The following MUSK variants were observed in gnomAD, a reference collection of about 807,000 sequenced individuals.
MUSK encodes muscle associated receptor tyrosine kinase.
MUSK carries 55 observed loss-of-function variants against 88.7 expected under a neutral mutation model. The observed-to-expected ratio is 0.62, with a 90% CI of 0.50 to 0.78. The LOEUF (loss-of-function observed/expected upper bound fraction) is 0.78, where lower values mean the gene tolerates loss of function less well. Ranked by LOEUF, MUSK falls within the 30% of genes least tolerant of loss-of-function variation. MUSK has a pLI of 0.00. For synonymous variants in MUSK, 387 were observed against 391.9 expected (o/e 0.99, Z 0.15); for missense variants, 1,015 against 1,074.3 (o/e 0.94, Z 0.77).
intron 5 of MUSK, among the ~76,000 whole-genome samples, chr9:110,730,914 G>A (rs1457950132): frequency 6.6e-6 from 1 of 151,838 alleles, no homozygotes; most frequent in Non-Finnish European, 1.5e-5. Flanking sequence ...CTTTCCCCTT[G>A]ACTCTTAGTT....
At position 110,707,200 on chromosome 9, in the gene MUSK, T is replaced by C. The variant is rs1587935162; in HGVS notation, c.628+9734T>C. Among the ~76,000 whole-genome samples the C allele has an allele frequency of 2.6e-5, 4 of 152,076 alleles. No homozygotes were observed. The South Asian group carries it at 8.3e-4, about 32-fold the overall frequency. On this transcript the variant is annotated intron_variant, in intron 5 of 14. Coordinates refer to ENST00000374448, the MANE Select transcript of MUSK (RefSeq NM_005592.4). The stretch of plus-strand genomic sequence containing the variant: ...ACCTCATCTCTACACTGAAGTAAAA[T>C]AAAGTAAAATAAAAATAAAATACCA...
intron 6 of MUSK, among the ~76,000 whole-genome samples, chr9:110,735,015 G>A (rs976305939): frequency 1.6e-4 from 25 of 152,206 alleles, no homozygotes; most frequent in African/African-American, 6.0e-4. Flanking sequence ...TGTTGTATGT[G>A]TATGGTGTCA....
intron 8 of MUSK, among the ~76,000 whole-genome samples, chr9:110,763,698 G>A (rs931094904): frequency 2.0e-5 from 3 of 152,186 alleles, no homozygotes; most frequent in Non-Finnish European, 2.9e-5. Context: ...AAGTGTGCCT[G>A]TGCAGGGAGG....
chr9:110,769,677 G>A (rs547977965), intron 9 of MUSK, among the ~76,000 whole-genome samples: 9 of 152,050 alleles, frequency 5.9e-5, no homozygotes, highest in African/African-American at 9.6e-5. Flanking sequence ...TTTATTTGAC[G>A]TACTGCTCAA....
intron 3 of MUSK, among the ~76,000 whole-genome samples, chr9:110,692,697 T>C (rs1006961999): frequency 2.6e-5 from 4 of 152,152 alleles, no homozygotes; most frequent in Non-Finnish European, 4.4e-5. Context: ...TCTTAAAAAC[T>C]ATATTTTTAA....
intron 3 of MUSK, among the ~76,000 whole-genome samples, chr9:110,688,898 T>A (rs1209708502): frequency 6.7e-6 from 1 of 148,462 alleles, no homozygotes; most frequent in Non-Finnish European, 1.5e-5. Flanking sequence ...GTTAACTGTT[T>A]TATTGTTTTT....
chr9:110,674,376 T>C (rs1356887477), intron 1 of MUSK, among the ~76,000 whole-genome samples: 2 of 152,200 alleles, frequency 1.3e-5, no homozygotes, highest in Non-Finnish European at 2.9e-5. Flanking sequence ...TAGTTTTTAA[T>C]AATGATTGTA....
At chr9:110,755,977 T>TAC (rs139870822) in intron 7 of MUSK, among the ~76,000 whole-genome samples, 2 of 63,528 alleles carry the variant, frequency 3.1e-5, no homozygotes, top group African/African-American at 5.1e-5. Context: ...TATATATATA[T>TAC]ACATATATAT....
intron 3 of MUSK, 60 bp downstream of exon 3, chr9:110,687,328 T>C (rs1350680146): frequency 4.2e-5 from 67 of 1,593,716 alleles, no homozygotes; most frequent in Non-Finnish European, 5.7e-5. Context: ...CTTAGTTTTG[T>C]ATTTATTTTT....
rs2132080463 is a variant in MUSK at position 110,805,404 on chromosome 9, GCTTATATTTACA to G, written c.*4420_*4431del. On this transcript the variant is annotated 3_prime_UTR_variant, in exon 15 of 15. Transcript: ENST00000374448. Reference sequence around the variant, plus strand: ...GCTAATAGCTTAAAGTTATTTCATAGCTTATATTTACACTTCTTTAAATACTAATAAAATTGA... The same window carrying G: ...GCTAATAGCTTAAAGTTATTTCATAGCTTCTTTAAATACTAATAAAATTGA... Among the ~76,000 whole-genome samples, 1 of 151,796 alleles carries G rather than the reference GCTTATATTTACA, an allele frequency of 6.6e-6. No individual in the cohort carries two copies. Among genetic ancestry groups the G allele is most frequent in the East Asian group, 1.9e-4 (1 of 5,174 alleles).
chr9:110,801,002 C>T lies in MUSK; in HGVS notation c.*14C>T. 1 of 1,499,774 alleles carries T rather than the reference C, an allele frequency of 6.7e-7. No homozygotes were observed. Among genetic ancestry groups the T allele is most frequent in the East Asian group, 2.3e-5 (1 of 43,854 alleles). The allele number at this position is 1,499,774 out of a possible 1,614,324, so 92.9% of individuals were successfully genotyped here. A position where few individuals can be genotyped will look rare whatever the true frequency, so the allele number is the denominator to read the frequency against. On this transcript the variant is annotated 3_prime_UTR_variant, in exon 15 of 15. Transcript: ENST00000374448. ...GTGAGTGTCTAAGGTTGAAGACGTT[C>T]AAATAAAATGCTGCAGTTTCCTCTC...
At position 110,722,649 on chromosome 9, in the gene MUSK, A is replaced by C. The variant is rs1414772023; in HGVS notation, c.629-11602A>C. On this transcript the variant is annotated intron_variant, in intron 5 of 14. Coordinates refer to ENST00000374448, the MANE Select transcript of MUSK (RefSeq NM_005592.4). ...TGGGAGAAAATTTTGCAAATAATGG[A>C]TCTGACCAAGGAGTAATATTCAGAA... 2.0e-5 allele frequency among the ~76,000 whole-genome samples: 3 copies of C among 152,236 alleles called. No homozygotes were observed. The East Asian group carries it at 5.8e-4, about 29-fold the overall frequency.
chr9:110,760,884 C>T (rs911191003), intron 7 of MUSK, among the ~76,000 whole-genome samples: 4 of 152,092 alleles, frequency 2.6e-5, no homozygotes, highest in African/African-American at 9.7e-5. Flanking sequence ...AGAAGATTGA[C>T]CTCTCAGAGA....
intron 5 of MUSK, among the ~76,000 whole-genome samples, chr9:110,717,911 C>T (rs1213547239): frequency 6.6e-6 from 1 of 152,098 alleles, no homozygotes; most frequent in East Asian, 1.9e-4. Flanking sequence ...TTATCTGTTT[C>T]TCTGTAACGA....
intron 5 of MUSK, among the ~76,000 whole-genome samples, chr9:110,714,151 T>G (rs1055693449): frequency 2.0e-5 from 3 of 152,142 alleles, no homozygotes; most frequent in South Asian, 2.1e-4. Context: ...GTCACATATT[T>G]TATTGGCTGA....
intron 5 of MUSK, among the ~76,000 whole-genome samples, chr9:110,715,788 G>A (rs1301974103): frequency 6.7e-6 from 1 of 149,178 alleles, no homozygotes; most frequent in African/African-American, 2.6e-5. Context: ...ATACTATGCA[G>A]CCATAAAAAG....
chr9:110,750,279 C>G (rs1435497897), intron 7 of MUSK, among the ~76,000 whole-genome samples: 1 of 152,156 alleles, frequency 6.6e-6, no homozygotes, highest in Non-Finnish European at 1.5e-5. Flanking sequence ...TTTCTTCCTT[C>G]TTTCTCTTTC....
intron 9 of MUSK, among the ~76,000 whole-genome samples, chr9:110,774,475 TA>T (rs146442724): frequency 0.029 from 4,369 of 152,230 alleles, 219 homozygotes; most frequent in African/African-American, 0.1. Context: ...CTGTTTAGAA[TA>T]AAAAAATTTC....
intron 6 of MUSK, among the ~76,000 whole-genome samples, chr9:110,747,025 A>G (rs1478063614): frequency 6.6e-6 from 1 of 152,188 alleles, no homozygotes; most frequent in Non-Finnish European, 1.5e-5. Flanking sequence ...CATGCCTTGT[A>G]TTGGTTATCT....
Sources: gnomAD v4.1 joint callset for allele counts (sites outside exome capture counted in the v4.1 genomes callset) on GRCh38, gnomAD v4.1.1 for gene constraint, MANE v1.5 for transcripts, NCBI Gene and HGNC (gene_info 2026-07-23, HGNC 2026-07-21) for gene names.